The following LRRCC1 variants were observed in gnomAD, a reference collection of about 807,000 sequenced individuals.
LRRCC1 encodes leucine-rich repeat and coiled-coil domain-containing protein 1.
A neutral mutation model predicts 126.0 loss-of-function variants in LRRCC1; 115 were observed. The observed-to-expected ratio is 0.91, with a 90% CI of 0.78 to 1.07. The LOEUF (loss-of-function observed/expected upper bound fraction) is 1.07. Among genes scored for constraint, LRRCC1 ranks in the 50% least tolerant of loss-of-function variants. The pLI is 0.00. For synonymous variants in LRRCC1, 400 were observed against 393.4 expected (o/e 1.02, Z -0.20); for missense variants, 1,172 against 1,175.7 (o/e 1.00, Z 0.05).
chr8:85,107,551 A>G (rs764381183), intron 1 of LRRCC1, 152 bp downstream of exon 1: 6 of 616,938 alleles, frequency 9.7e-6, no homozygotes, highest in African/African-American at 1.9e-5. Context: ...CGCTCCTCCA[A>G]AACTTACCTG....
intron 6 of LRRCC1, among the ~76,000 whole-genome samples, chr8:85,123,136 A>T (rs1237847927): frequency 1.3e-5 from 2 of 152,270 alleles, no homozygotes; most frequent in South Asian, 4.1e-4. Context: ...CCCCTCTAGG[A>T]TAATCCTAGT....
Position 85,145,395 on chromosome 8 carries a change from C to G in LRRCC1, c.2983C>G (p.Gln995Glu). The G allele has an allele frequency of 6.5e-7, 1 of 1,530,856 alleles. No homozygotes were observed. The highest frequency in any genetic ancestry group is 1.4e-5 in the South Asian group (1 of 73,330). 94.8% of individuals were successfully genotyped at this position (1,530,856 alleles called of 1,614,324 possible). ...CIDSANLKVH[Q>E]IEKEMRELLE... ...AATTTACATGTCGATTTAGGTCCATCAAATTGAAAAAGAAATGCGTGAACT... is the reference window on the plus strand; with the variant it reads ...AATTTACATGTCGATTTAGGTCCATGAAATTGAAAAAGAAATGCGTGAACT... The change falls in exon 19 of 19, where the codon CAA becomes GAA. Residue 995 changes from glutamine (Q) to glutamate (E), a missense_variant. Coordinates refer to ENST00000360375, the MANE Select transcript of LRRCC1 (RefSeq NM_033402.5).
chr8:85,113,370 A>G (rs1004730436), intron 4 of LRRCC1, among the ~76,000 whole-genome samples: 2 of 152,156 alleles, frequency 1.3e-5, no homozygotes, highest in Non-Finnish European at 2.9e-5. Context: ...TATTCTTTTA[A>G]TAATAGTATA....
chr8:85,135,256 C>T (rs1447817640), intron 13 of LRRCC1, among the ~76,000 whole-genome samples: 1 of 152,004 alleles, frequency 6.6e-6, no homozygotes, highest in Non-Finnish European at 1.5e-5. Context: ...TTTTAAGAAA[C>T]ATGTTCAATT....
In LRRCC1 at chr8:85,125,266, A is replaced by T. The variant is rs538832224; in HGVS notation, c.1272+327A>T. Among the ~76,000 whole-genome samples the T allele has an allele frequency of 1.2e-4, 19 of 152,262 alleles. No individual in the cohort carries two copies. In the South Asian group the frequency reaches 3.9e-3, roughly 32 times the overall value. On this transcript the variant is annotated intron_variant, in intron 8 of 18. Coordinates refer to ENST00000360375, the MANE Select transcript of LRRCC1 (RefSeq NM_033402.5). ...GTCAGACCCTTTTCAGTATCTAAAA[A>T]AATTTACAGGTCTTCTCAAAGAAGC...
chr8:85,114,451 G>T (rs1049812617), intron 4 of LRRCC1, among the ~76,000 whole-genome samples: 3 of 151,898 alleles, frequency 2.0e-5, no homozygotes. Context: ...CAACCACTTT[G>T]TTGGTCTTTA....
Position 85,135,049 on chromosome 8 carries a change from TTA to T in LRRCC1, c.2154+21_2154+22del. 5 of 1,440,816 alleles carry T rather than the reference TTA, an allele frequency of 3.5e-6. No individual in the cohort carries two copies. The highest frequency in any genetic ancestry group is 4.6e-6 in the Non-Finnish European group (5 of 1,097,492). The allele number at this position is 1,440,816 out of a possible 1,614,324, so 89.3% of individuals were successfully genotyped here. A position where few individuals can be genotyped will look rare whatever the true frequency, so the allele number is the denominator to read the frequency against. On this transcript the variant is annotated intron_variant, in intron 13 of 18. Coordinates refer to ENST00000360375, the MANE Select transcript of LRRCC1 (RefSeq NM_033402.5). ...AATTTACAGGTAAGACTTTGCAACA[TTA>T]TATGTTTTAAAATTTTTTTACATTA...
Position 85,109,795 on chromosome 8 carries a change from T to C in LRRCC1, c.305T>C (p.Val102Ala). 1 of 1,545,278 alleles carries C rather than the reference T, an allele frequency of 6.5e-7. No homozygotes were observed. The highest frequency in any genetic ancestry group is 2.3e-5 in the East Asian group (1 of 44,046). Residue 102 changes from valine to alanine, a missense_variant, in exon 2 of 19, where the codon GTA becomes GCA. By Grantham distance (64) the Val-to-Ala change is moderately conservative. Coordinates refer to ENST00000360375, the MANE Select transcript of LRRCC1 (RefSeq NM_033402.5). Reference protein sequence around the residue: ...LNLSCNLITKVEGLEELINLT... With the variant: ...LNLSCNLITKAEGLEELINLT... ...TTGTCCTGCAATTTGATTACAAAAG[T>C]AGAAGGTTTGTAAGTGATTTTCATT...
At chr8:85,142,508 G>C (rs1811322409) in intron 18 of LRRCC1, among the ~76,000 whole-genome samples, 2 of 152,086 alleles carry the variant, frequency 1.3e-5, no homozygotes, top group Non-Finnish European at 2.9e-5. Flanking sequence ...CTATAAAAGA[G>C]TTCACCAACA....
At chr8:85,116,649 C>T (rs901686404) in intron 6 of LRRCC1, among the ~76,000 whole-genome samples, 2 of 152,134 alleles carry the variant, frequency 1.3e-5, no homozygotes, top group Non-Finnish European at 2.9e-5. Context: ...AGTGAGATTA[C>T]AGGCAAGAGC....
At chr8:85,116,063 A>G (rs747152671) in intron 6 of LRRCC1, among the ~76,000 whole-genome samples, 18 of 152,192 alleles carry the variant, frequency 1.2e-4, no homozygotes, top group Admixed American at 6.5e-4. Flanking sequence ...TAATCAATCT[A>G]TACTTTCCTG....
chr8:85,112,136 A>G (rs111868946), intron 3 of LRRCC1, among the ~76,000 whole-genome samples: 3,604 of 152,248 alleles, frequency 0.024, 129 homozygotes, highest in African/African-American at 0.082. Context: ...TGCTGAGATT[A>G]CAGTCTTGAG....
At chr8:85,114,875 G>C (rs923995161) in intron 4 of LRRCC1, among the ~76,000 whole-genome samples, 1 of 151,998 alleles carries the variant, frequency 6.6e-6, no homozygotes, top group Non-Finnish European at 1.5e-5. Context: ...TCATCAGGAG[G>C]GTTATTTGAG....
rs543184449 is a variant in LRRCC1, at chr8:85,137,757, C to T, written c.2493+130C>T. 161 of 629,806 alleles carry T rather than the reference C, an allele frequency of 2.6e-4. No homozygotes were observed. In the African/African-American group the frequency reaches 2.7e-3, roughly 10 times the overall value. The allele number at this position is 629,806 out of a possible 1,614,324, so 39.0% of individuals were successfully genotyped here. The stretch of plus-strand genomic sequence containing the variant: ...AATTTGGGGTAGATATCATGCATTT[C>T]TTTTTATAATATTTGCCCTTTTGCT... On this transcript the variant is annotated intron_variant, in intron 15 of 18. Coordinates refer to ENST00000360375, the MANE Select transcript of LRRCC1 (RefSeq NM_033402.5).
intron 18 of LRRCC1, among the ~76,000 whole-genome samples, chr8:85,144,442 GTGTATATATATA>G (rs142049146): frequency 0.013 from 1,441 of 106,754 alleles, 54 homozygotes; most frequent in African/African-American, 0.054. Flanking sequence ...GTGTGTGTGT[GTGTATATATATA>G]TATATATATA....
At position 85,109,629 on chromosome 8, in the gene LRRCC1, G is replaced by A; in HGVS notation, c.139G>A (p.Ala47Thr). The A allele has an allele frequency of 6.2e-7, 1 of 1,609,742 alleles. No homozygotes were observed. Reference protein sequence around the residue: ...SELSLDSTLHAVNLHCNNISK... With the variant: ...SELSLDSTLHTVNLHCNNISK... ...ATTATCTTTAGATTCAACTCTTCAT[G>A]CCGTCAATCTTCATTGCAATAACAT... Residue 47 changes from alanine (A) to threonine (T), a missense_variant, in exon 2 of 19, where the codon GCC (alanine) becomes ACC (threonine). Ala to Thr is a moderately conservative substitution (Grantham distance 58, BLOSUM62 0). Transcript: ENST00000360375.
intron 10 of LRRCC1, 116 bp downstream of exon 10, chr8:85,129,495 T>C (rs1810279573): frequency 1.2e-6 from 1 of 835,604 alleles, no homozygotes; most frequent in Non-Finnish European, 1.9e-6. Flanking sequence ...TATGCAAAAA[T>C]TAAATTGCTG....
intron 6 of LRRCC1, 103 bp downstream of exon 6, chr8:85,115,687 T>C: frequency 2.7e-6 from 2 of 740,012 alleles, no homozygotes; most frequent in Non-Finnish European, 4.4e-6. Context: ...CCTATTTTAG[T>C]GCATCAGTGT....
intron 12 of LRRCC1, among the ~76,000 whole-genome samples, chr8:85,133,951 C>T (rs1358700751): frequency 6.6e-6 from 1 of 152,158 alleles, no homozygotes; most frequent in African/African-American, 2.4e-5. Context: ...CACAATCTAA[C>T]CCTCTGAGTT....
Sources: gnomAD v4.1 joint callset for allele counts (sites outside exome capture counted in the v4.1 genomes callset) on GRCh38, gnomAD v4.1.1 for gene constraint, MANE v1.5 for transcripts, NCBI Gene and HGNC (gene_info 2026-07-23, HGNC 2026-07-21) for gene names.